RUFY3: variants seen among roughly 807,000 people sequenced by gnomAD.
RUFY3 encodes the protein RUN and FYVE domain containing 3, also known as protein RUFY3.
A neutral mutation model predicts 84.0 loss-of-function variants in RUFY3; 34 were observed. The ratio of observed to expected loss-of-function variants is 0.40; its 90% CI spans 0.31 to 0.54. The LOEUF is 0.54. Ranked by LOEUF, RUFY3 falls within the 20% of genes least tolerant of loss-of-function variation. The pLI, the probability that RUFY3 is intolerant of heterozygous loss-of-function variation, is 0.39. For synonymous variants in RUFY3, 242 were observed against 252.9 expected (o/e 0.96, Z 0.41); for missense variants, 507 against 736.8 (o/e 0.69, Z 3.61).
intron 15 of RUFY3, 57 bp from the exon 16 acceptor site, chr4:70,802,899 A>G: frequency 1.6e-6 from 2 of 1,276,842 alleles, no homozygotes; most frequent in Non-Finnish European, 2.2e-6. Context: ...TTGAAATGAT[A>G]TAAATGAAAA....
chr4:70,803,398 G>A (rs1732475230), intron 16 of RUFY3, among the ~76,000 whole-genome samples: 1 of 151,850 alleles, frequency 6.6e-6, no homozygotes, highest in Non-Finnish European at 1.5e-5. Context: ...CTGTGTCTGA[G>A]TCACCCTGTC....
chr4:70,755,005 G>A (rs555762183), intron 1 of RUFY3, among the ~76,000 whole-genome samples: 24 of 151,994 alleles, frequency 1.6e-4, no homozygotes, highest in South Asian at 4.2e-4. Context: ...CCGGGTTGAA[G>A]CGATTCTCCT....
At chr4:70,732,867 C>T (rs1719515391) in intron 1 of RUFY3, among the ~76,000 whole-genome samples, 1 of 151,786 alleles carries the variant, frequency 6.6e-6, no homozygotes, top group Non-Finnish European at 1.5e-5. Context: ...ATGTAACAAA[C>T]CTGCACGTTT....
chr4:70,705,186 C>A, exon 1 of RUFY3: 1 of 1,462,818 alleles, frequency 6.8e-7, no homozygotes, highest in South Asian at 1.3e-5. Context: ...CCCGCCGCCG[C>A]AGCAGCAGCG....
chr4:70,791,114 G>T, intron 12 of RUFY3: 1 of 611,488 alleles, frequency 1.6e-6, no homozygotes, highest in South Asian at 2.2e-5. Context: ...AGAGAATAAT[G>T]ACTTATCTCT....
chr4:70,735,758 G>A (rs1301806464), intron 1 of RUFY3, among the ~76,000 whole-genome samples: 3 of 151,942 alleles, frequency 2.0e-5, no homozygotes, highest in Admixed American at 6.6e-5. Context: ...AGGTCGAGGC[G>A]GGTGGATCAC....
At chr4:70,756,272 C>T (rs1724006846) in intron 1 of RUFY3, among the ~76,000 whole-genome samples, 1 of 152,168 alleles carries the variant, frequency 6.6e-6, no homozygotes. Flanking sequence ...TTTCCTCTGC[C>T]ATTGCAGTAG....
At chr4:70,751,686 G>T (rs184074823) in intron 1 of RUFY3, among the ~76,000 whole-genome samples, 105 of 152,150 alleles carry the variant, frequency 6.9e-4, no homozygotes, top group African/African-American at 2.4e-3. Context: ...CCATTCTGTG[G>T]GTTGTCTTTT....
At chr4:70,791,781 A>G (rs1730860279) in intron 12 of RUFY3, 2 of 987,394 alleles carry the variant, frequency 2.0e-6, no homozygotes, top group Non-Finnish European at 2.4e-6. Context: ...TGTCTCTTAG[A>G]CCATGACCCC....
At chr4:70,738,039 A>G (rs561874714) in intron 1 of RUFY3, among the ~76,000 whole-genome samples, 54 of 141,840 alleles carry the variant, frequency 3.8e-4, no homozygotes, top group Non-Finnish European at 5.5e-4. Flanking sequence ...CTGGAGTGCA[A>G]GTGGTACAAT....
At chr4:70,738,316 C>CTTATTTAGA (rs1274567216) in intron 1 of RUFY3, among the ~76,000 whole-genome samples, 1 of 140,724 alleles carries the variant, frequency 7.1e-6, no homozygotes, top group African/African-American at 2.6e-5. Context: ...TTATGTCATA[C>CTTATTTAGA]TTATTTAGAT....
Position 70,789,521 on chromosome 4 carries a change from A to G in RUFY3, c.1266A>G (p.Lys422=). 1.2e-6 allele frequency: 2 copies of G among 1,612,996 alleles called. No homozygotes were observed. Among genetic ancestry groups the G allele is most frequent in the Non-Finnish European group, 1.7e-6 (2 of 1,179,354 alleles). The change falls in exon 12 of 18, where the codon AAA becomes AAG. Residue 422 remains lysine (K), a synonymous_variant. Coordinates refer to ENST00000381006, the MANE Select transcript of RUFY3 (RefSeq NM_001037442.4). ...GTTCAGACTTAGGAGTAAAACAGAA[A>G]AGTGAACTAAACAGTCGCTTGGAAG... is the stretch of plus-strand genomic sequence containing the variant. ...LQSSDLGVKQ[K]SELNSRLEEK... is the part of the protein sequence containing the mutation.
chr4:70,759,904 G>A (rs1269169627), intron 1 of RUFY3, among the ~76,000 whole-genome samples: 5 of 152,170 alleles, frequency 3.3e-5, no homozygotes, highest in Non-Finnish European at 7.3e-5. Flanking sequence ...ACAGTTGTCA[G>A]TGCTACTGAC....
rs1184785244 is a variant in RUFY3 at position 70,804,377 on chromosome 4, G to C, written c.1680G>C (p.Gln560His). 2 of 1,614,096 alleles carry C rather than the reference G, an allele frequency of 1.2e-6. No homozygotes were observed. Among genetic ancestry groups the C allele is most frequent in the Admixed American group, 3.3e-5 (2 of 60,014 alleles). Residue 560 changes from glutamine to histidine, a missense_variant, in exon 17 of 18, where the codon CAG (glutamine) becomes CAC (histidine). Physicochemically the swap from Gln to His is conservative, Grantham distance 24. This residue lies in a region of RUFY3 where 334 missense variants were observed against 364.1 expected (regional missense o/e 0.92). Coordinates refer to ENST00000381006, the MANE Select transcript of RUFY3 (RefSeq NM_001037442.4). ...QDQLLLSEKP[Q>H]LCQLCQEDGS... The stretch of plus-strand genomic sequence containing the variant: ...AGCTGCTGCTCTCTGAAAAGCCACA[G>C]TTGTGTCAGCTATGCCAGGAAGACG...
intron 3 of RUFY3, 68 bp from the exon 4 acceptor site, chr4:70,764,406 AC>A: frequency 9.6e-7 from 1 of 1,046,934 alleles, no homozygotes; most frequent in Non-Finnish European, 1.5e-6. Flanking sequence ...GAATAAGTGA[AC>A]TGATTCTACT....
chr4:70,746,382 C>G (rs1722223900), intron 1 of RUFY3, among the ~76,000 whole-genome samples: 1 of 151,130 alleles, frequency 6.6e-6, no homozygotes, highest in Non-Finnish European at 1.5e-5. Context: ...TGGCGGGTGC[C>G]TGTAGTCCCA....
At chr4:70,792,998 T>C (rs1731055374) in intron 12 of RUFY3, 1 of 985,236 alleles carries the variant, frequency 1.0e-6, no homozygotes, top group Non-Finnish European at 1.2e-6. Flanking sequence ...AACCTACACA[T>C]AGCATGCGTT....
intron 1 of RUFY3, among the ~76,000 whole-genome samples, chr4:70,716,090 G>C (rs1741565703): frequency 6.6e-6 from 1 of 152,026 alleles, no homozygotes; most frequent in Non-Finnish European, 1.5e-5. Flanking sequence ...CTCCAGCCTG[G>C]GTGACAGAGT....
At chr4:70,769,413 TG>T (rs1726566404) in intron 5 of RUFY3, among the ~76,000 whole-genome samples, 1 of 152,226 alleles carries the variant, frequency 6.6e-6, no homozygotes. Flanking sequence ...TAAAAAATAA[TG>T]TACATACCTT....
Sources: allele counts gnomAD v4.1 joint callset (sites outside exome capture counted in the v4.1 genomes callset), GRCh38; gene constraint gnomAD v4.1.1; regional missense constraint gnomAD v4.1.1; transcripts MANE v1.5; gene names NCBI Gene and HGNC (gene_info 2026-07-23, HGNC 2026-07-21).